The following MAJIN variants were observed in gnomAD, a reference collection of about 807,000 sequenced individuals.
MAJIN encodes membrane anchored junction protein.
In MAJIN, 27 loss-of-function variants were observed where a neutral mutation model predicts 30.2. The observed-to-expected ratio is 0.89, with a 90% CI of 0.66 to 1.23. The LOEUF (loss-of-function observed/expected upper bound fraction) is 1.23, where lower values mean the gene tolerates loss of function less well. Among genes scored for constraint, MAJIN ranks in the 50% most tolerant of loss-of-function variants. The pLI is 0.00. For synonymous variants in MAJIN, 78 were observed against 91.6 expected (o/e 0.85, Z 0.85); for missense variants, 253 against 260.3 (o/e 0.97, Z 0.19).
intron 4 of MAJIN, chr11:64,954,537 C>T: frequency 1.5e-6 from 1 of 659,614 alleles, no homozygotes; most frequent in Non-Finnish European, 2.8e-6. Flanking sequence ...AGCTCTCAGC[C>T]TCAAAGGTGC....
At position 64,940,564 on chromosome 11, in the gene MAJIN, C is replaced by T; in HGVS notation, c.546+10G>A. 1 of 1,611,290 alleles carries T rather than the reference C, an allele frequency of 6.2e-7. No homozygotes were observed. The highest frequency in any genetic ancestry group is 8.5e-7 in the Non-Finnish European group (1 of 1,177,412). On this transcript the variant is annotated intron_variant, in intron 9 of 10. Transcript: ENST00000301896. ...TAAAGGAGAATAAATGGAAATTTCC[C>T]AGGACCTACCTTGTTTCTGGACATC...
chr11:64,945,968 A>G (rs1181662108), intron 8 of MAJIN: 1 of 960,432 alleles, frequency 1.0e-6, no homozygotes, highest in South Asian at 1.9e-5. Flanking sequence ...AGTTCAGTCA[A>G]TTCAATCTGC....
chr11:64,959,325 G>C lies in MAJIN; in HGVS notation c.81C>G (p.Ile27Met). The change falls in exon 3 of 11, where the codon ATC becomes ATG. Residue 27 changes from isoleucine (I) to methionine (M), a missense_variant. Ile to Met is a conservative substitution (Grantham distance 10). Transcript: ENST00000301896. The stretch of plus-strand genomic sequence containing the variant: ...ATTACCTGATACTCTTCCCATATCT[G>C]ATTTTGAATTTATACACATTGGGTC... ...HAGPNVYKFK[I>M]RYGKSIRGEE... 6.2e-7 allele frequency: 1 copy of C among 1,613,318 alleles called. No individual in the cohort carries two copies. The highest frequency in any genetic ancestry group is 1.1e-5 in the South Asian group (1 of 91,066).
Position 64,947,771 on chromosome 11 carries a change from A to G in MAJIN, c.381+17T>C. ...GATAAAGGCAATTTTCATTTTGTAC[A>G]GAAAAGGCAAACTTACCAACCCAAG... On this transcript the variant is annotated intron_variant, in intron 7 of 10. Coordinates refer to ENST00000301896, the MANE Select transcript of MAJIN (RefSeq NM_001037225.3). 6.2e-7 allele frequency: 1 copy of G among 1,612,276 alleles called. No homozygotes were observed. Among genetic ancestry groups the G allele is most frequent in the African/African-American group, 1.3e-5 (1 of 74,974 alleles).
chr11:64,968,753 A>T (rs1945850719), intron 1 of MAJIN, among the ~76,000 whole-genome samples: 1 of 151,372 alleles, frequency 6.6e-6, no homozygotes, highest in African/African-American at 2.4e-5. Flanking sequence ...AATGGCACGA[A>T]CCCAGGAGGT....
At chr11:64,942,590 C>A (rs545857731) in intron 8 of MAJIN, among the ~76,000 whole-genome samples, 14 of 152,224 alleles carry the variant, frequency 9.2e-5, no homozygotes, top group Admixed American at 7.9e-4. Context: ...TCTAGAAAAG[C>A]TAGGACTAGC....
intron 8 of MAJIN, among the ~76,000 whole-genome samples, chr11:64,942,379 A>G (rs1425560999): frequency 6.6e-6 from 1 of 152,062 alleles, no homozygotes; most frequent in Non-Finnish European, 1.5e-5. Context: ...TGCACCCATC[A>G]TCCAAGTAGT....
At chr11:64,951,196 A>G (rs1361665034) in intron 4 of MAJIN, among the ~76,000 whole-genome samples, 1 of 152,228 alleles carries the variant, frequency 6.6e-6, no homozygotes, top group Non-Finnish European at 1.5e-5. Context: ...TGAATAATGC[A>G]TAACAAGTCC....
intron 6 of MAJIN, 82 bp downstream of exon 6, chr11:64,949,661 T>G: frequency 6.6e-7 from 1 of 1,526,682 alleles, no homozygotes; most frequent in Non-Finnish European, 8.9e-7. Flanking sequence ...GAGCCTAATC[T>G]GGTAGCCCCT....
At chr11:64,971,617 G>C (rs889348240) in intron 1 of MAJIN, among the ~76,000 whole-genome samples, 2 of 151,984 alleles carry the variant, frequency 1.3e-5, no homozygotes, top group African/African-American at 4.8e-5. Flanking sequence ...GAGCCCCCCG[G>C]TCTACCTCGC....
intron 6 of MAJIN, 33 bp from the exon 7 acceptor site, chr11:64,947,852 T>G (rs1409105885): frequency 2.5e-6 from 4 of 1,568,918 alleles, no homozygotes; most frequent in Non-Finnish European, 3.5e-6. Context: ...CATAATAGAT[T>G]TAAGACTTTT....
Position 64,947,321 on chromosome 11 carries a change from T to C in MAJIN, c.473+53A>G, listed in dbSNP as rs373891467. 8.7e-4 allele frequency: 1,298 copies of C among 1,486,662 alleles called. 12 individuals carry two copies. Among genetic ancestry groups the C allele is most frequent in the South Asian group, 8.4e-3 (684 of 81,624 alleles). The allele number at this position is 1,486,662 out of a possible 1,614,324, so 92.1% of individuals were successfully genotyped here. A position where few individuals can be genotyped will look rare whatever the true frequency, so the allele number is the denominator to read the frequency against. ...GACAGGATCAACCAACAGTAATAGC[T>C]GGCAAAGCCTAACTAGGACGCAGGA... On this transcript the variant is annotated intron_variant, in intron 8 of 10. Transcript: ENST00000301896.
At chr11:64,942,638 A>G (rs1477753566) in intron 8 of MAJIN, among the ~76,000 whole-genome samples, 1 of 152,186 alleles carries the variant, frequency 6.6e-6, no homozygotes, top group Non-Finnish European at 1.5e-5. Context: ...AGAATGGCAG[A>G]TATCTCTGAA....
intron 4 of MAJIN, among the ~76,000 whole-genome samples, chr11:64,952,266 C>G (rs964411959): frequency 2.4e-4 from 36 of 152,098 alleles, no homozygotes; most frequent in African/African-American, 8.5e-4. Context: ...CCGCTCACTG[C>G]AACCTCTGCC....
chr11:64,957,565 A>T (rs1353092990), intron 3 of MAJIN, among the ~76,000 whole-genome samples: 1 of 151,790 alleles, frequency 6.6e-6, no homozygotes, highest in Non-Finnish European at 1.5e-5. Flanking sequence ...CACCATGCTC[A>T]GCTAATTTTT....
intron 3 of MAJIN, among the ~76,000 whole-genome samples, chr11:64,956,773 T>TTG (rs2136783246): frequency 6.7e-6 from 1 of 148,372 alleles, no homozygotes; most frequent in East Asian, 2.0e-4. Flanking sequence ...GTTTTTTTTT[T>TTG]TTTTTTTTTT....
chr11:64,961,467 A>ATTTT lies in MAJIN; in HGVS notation c.-64-1336_-64-1333dup, dbSNP rs36053356. 2.0e-4 allele frequency among the ~76,000 whole-genome samples: 12 copies of ATTTT among 59,154 alleles called. 1 individual carries two copies. The highest frequency in any genetic ancestry group is 2.3e-4 in the Non-Finnish European group (8 of 34,348). 38.8% of individuals were successfully genotyped at this position (59,154 alleles called of 152,430 possible). On this transcript the variant is annotated intron_variant, in intron 1 of 10. Transcript: ENST00000301896. Reference sequence around the variant, plus strand: ...CAGGCATGACCCACTGTGCCCGGCAATTTTTTTTTTTTTTTTTTTTTTTTT... The same window carrying ATTTT: ...CAGGCATGACCCACTGTGCCCGGCAATTTTTTTTTTTTTTTTTTTTTTTTTTTTT...
At chr11:64,945,736 C>T (rs1332537331) in intron 8 of MAJIN, among the ~76,000 whole-genome samples, 1 of 151,964 alleles carries the variant, frequency 6.6e-6, no homozygotes, top group Non-Finnish European at 1.5e-5. Context: ...TGGGTCTCAC[C>T]AGGTTGGCCA....
intron 1 of MAJIN, among the ~76,000 whole-genome samples, chr11:64,970,002 C>A (rs1034488532): frequency 6.6e-6 from 1 of 152,078 alleles, no homozygotes; most frequent in African/African-American, 2.4e-5. Context: ...AAGAGAGATT[C>A]TAGATAAGAC....
Sources: gnomAD v4.1 joint callset for allele counts (sites outside exome capture counted in the v4.1 genomes callset) on GRCh38, gnomAD v4.1.1 for gene constraint, MANE v1.5 for transcripts, NCBI Gene and HGNC (gene_info 2026-07-23, HGNC 2026-07-21) for gene names.